Variants in MAPKAP1 observed in about 807,000 individuals in gnomAD.
The protein encoded by MAPKAP1 is MAPK associated protein 1.
In MAPKAP1, 20 loss-of-function variants were observed where a neutral mutation model predicts 65.7. The observed-to-expected ratio is 0.30, with a 90% confidence interval of 0.21 to 0.44. The LOEUF is 0.44. Ranked by LOEUF, MAPKAP1 falls within the 20% of genes least tolerant of loss-of-function variation. MAPKAP1 has a pLI of 1.00. For synonymous variants in MAPKAP1, 222 were observed against 244.3 expected (o/e 0.91, Z 0.85); for missense variants, 423 against 648.0 (o/e 0.65, Z 3.77).
At chr9:125,465,546 T>G (rs1853639736) in intron 10 of MAPKAP1, among the ~76,000 whole-genome samples, 2 of 152,236 alleles carry the variant, frequency 1.3e-5, no homozygotes. Flanking sequence ...TAATACATCT[T>G]TGGGCACTTT....
intron 9 of MAPKAP1, among the ~76,000 whole-genome samples, chr9:125,472,926 T>G (rs1853972861): frequency 6.6e-6 from 1 of 152,228 alleles, no homozygotes; most frequent in Non-Finnish European, 1.5e-5. Context: ...AAACATCACT[T>G]TGAAAGCTGA....
At chr9:125,654,759 A>G (rs1833984433) in intron 4 of MAPKAP1, among the ~76,000 whole-genome samples, 2 of 152,234 alleles carry the variant, frequency 1.3e-5, no homozygotes, top group African/African-American at 4.8e-5. Flanking sequence ...AGTTGGCATG[A>G]ACTGTTAAGA....
intron 5 of MAPKAP1, among the ~76,000 whole-genome samples, chr9:125,564,795 T>G (rs776272065): frequency 2.6e-5 from 4 of 152,128 alleles, no homozygotes; most frequent in Admixed American, 6.5e-5. Flanking sequence ...ATTAACTATC[T>G]CACAGTAGCA....
In MAPKAP1 at chr9:125,689,462, A is replaced by AC. The variant is rs1554843798; in HGVS notation, c.-69-16820dup. On this transcript the variant is annotated intron_variant, in intron 1 of 11. Coordinates refer to ENST00000265960, the MANE Select transcript of MAPKAP1 (RefSeq NM_001006617.3). ...AAAAAAAAAAAAAAAAAAAAAAAAA[A>AC]CAGGCCAGGCACAGTGGCTCACGCC... is the stretch of plus-strand genomic sequence containing the variant. Among the ~76,000 whole-genome samples the AC allele has an allele frequency of 1.2e-3, 121 of 105,084 alleles. 14 individuals are homozygous for AC. The highest frequency in any genetic ancestry group is 1.9e-3 in the Non-Finnish European group (90 of 46,232). 68.9% of individuals were successfully genotyped at this position (105,084 alleles called of 152,430 possible).
At position 125,465,423 on chromosome 9, in the gene MAPKAP1, C is replaced by T. The variant is rs528295621; in HGVS notation, c.1345+2549G>A. Reference sequence around the variant, plus strand: ...CTTTAAATAATAAAGAAACAGAAGACGCCCCACAGATTAATTCTATGGTCT... The same window carrying T: ...CTTTAAATAATAAAGAAACAGAAGATGCCCCACAGATTAATTCTATGGTCT... On this transcript the variant is annotated intron_variant, in intron 10 of 11. Coordinates refer to ENST00000265960, the MANE Select transcript of MAPKAP1 (RefSeq NM_001006617.3). 5.3e-5 allele frequency among the ~76,000 whole-genome samples: 8 copies of T among 152,240 alleles called. No individual in the cohort carries two copies. The East Asian group carries it at 1.3e-3, about 26-fold the overall frequency.
At chr9:125,489,113 GAAGAC>G (rs945399235) in intron 8 of MAPKAP1, among the ~76,000 whole-genome samples, 1 of 152,062 alleles carries the variant, frequency 6.6e-6, no homozygotes, top group African/African-American at 2.4e-5. Flanking sequence ...CTGTTCAAGA[GAAGAC>G]ATTTTTAGCA....
chr9:125,442,536 T>TAAA lies in MAPKAP1; in HGVS notation c.1443+1962_1443+1964dup, dbSNP rs11450537. Among the ~76,000 whole-genome samples the TAAA allele has an allele frequency of 6.8e-3, 928 of 137,188 alleles. 7 individuals are homozygous for TAAA. The highest frequency in any genetic ancestry group is 0.012 in the Non-Finnish European group (762 of 63,536). 90.0% of individuals were successfully genotyped at this position (137,188 alleles called of 152,430 possible). A position where few individuals can be genotyped will look rare whatever the true frequency, so the allele number is the denominator to read the frequency against. On this transcript the variant is annotated intron_variant, in intron 11 of 11. Transcript: ENST00000265960. The stretch of plus-strand genomic sequence containing the variant: ...GTCTTGAATATTTTAATGCTGGCTA[T>TAAA]AAAAAAAAAAAAAAAAAGTCCAGCC...
chr9:125,587,220 C>A (rs188131829), intron 4 of MAPKAP1, among the ~76,000 whole-genome samples: 1 of 152,272 alleles, frequency 6.6e-6, no homozygotes. Flanking sequence ...TAATATGACA[C>A]CAAAAGCATA....
intron 4 of MAPKAP1, among the ~76,000 whole-genome samples, chr9:125,598,205 G>T (rs1360901927): frequency 6.6e-6 from 1 of 151,970 alleles, no homozygotes; most frequent in Non-Finnish European, 1.5e-5. Context: ...AATGGATTTT[G>T]TGTAAAATTC....
At chr9:125,615,467 T>C (rs1316074265) in intron 4 of MAPKAP1, among the ~76,000 whole-genome samples, 2 of 147,756 alleles carry the variant, frequency 1.4e-5, no homozygotes, top group African/African-American at 5.1e-5. Context: ...CCGAGGTGGG[T>C]GGATCACCTG....
intron 5 of MAPKAP1, among the ~76,000 whole-genome samples, chr9:125,569,705 C>A (rs1831169914): frequency 6.6e-6 from 1 of 152,190 alleles, no homozygotes; most frequent in Non-Finnish European, 1.5e-5. Context: ...CCAAGGACTC[C>A]ACCCTAAAGC....
chr9:125,457,781 C>T (rs114862152), intron 10 of MAPKAP1, among the ~76,000 whole-genome samples: 1,653 of 152,326 alleles, frequency 0.011, 39 homozygotes, highest in African/African-American at 0.037. Context: ...ATGCTCCACT[C>T]TGGTTAGCCA....
intron 4 of MAPKAP1, 112 bp from the exon 5 acceptor site, chr9:125,585,839 T>G: frequency 1.0e-6 from 1 of 994,144 alleles, no homozygotes. Context: ...TCTACAGACC[T>G]ACTGTGACCA....
intron 4 of MAPKAP1, among the ~76,000 whole-genome samples, chr9:125,633,722 T>A (rs1034968002): frequency 2.0e-5 from 3 of 152,166 alleles, no homozygotes; most frequent in Admixed American, 2.0e-4. Context: ...CATAACTAAC[T>A]TTTCTAATTT....
intron 4 of MAPKAP1, among the ~76,000 whole-genome samples, chr9:125,590,172 C>T (rs1379131071): frequency 1.3e-5 from 2 of 152,146 alleles, no homozygotes; most frequent in Admixed American, 6.5e-5. Context: ...GAAGATTCAA[C>T]GAGATGACAA....
At chr9:125,584,277 T>A (rs1831713482) in intron 5 of MAPKAP1, among the ~76,000 whole-genome samples, 1 of 152,140 alleles carries the variant, frequency 6.6e-6, no homozygotes, top group African/African-American at 2.4e-5. Context: ...CACAACTTAC[T>A]CAGGCAAAGT....
intron 4 of MAPKAP1, among the ~76,000 whole-genome samples, chr9:125,631,560 T>C (rs145994028): frequency 2.0e-5 from 3 of 152,358 alleles, no homozygotes; most frequent in African/African-American, 7.2e-5. Flanking sequence ...GAACTTACTA[T>C]ACCTCACCAC....
chr9:125,699,432 A>G (rs1835530659), intron 1 of MAPKAP1, among the ~76,000 whole-genome samples: 1 of 151,754 alleles, frequency 6.6e-6, no homozygotes, highest in South Asian at 2.1e-4. Context: ...CTAGTCTCTA[A>G]CTCCTGAACT....
At chr9:125,521,365 A>C (rs1829613113) in intron 7 of MAPKAP1, 3 of 611,414 alleles carry the variant, frequency 4.9e-6, no homozygotes, top group Non-Finnish European at 6.2e-6. Context: ...TGTCCCTAAG[A>C]ATCCAATTTT....
Sources: gnomAD v4.1 joint callset for allele counts (sites outside exome capture counted in the v4.1 genomes callset) on GRCh38, gnomAD v4.1.1 for gene constraint, MANE v1.5 for transcripts, NCBI Gene and HGNC (gene_info 2026-07-23, HGNC 2026-07-21) for gene names.